The following CP variants were observed in gnomAD, a reference collection of about 807,000 sequenced individuals.
CP encodes the protein ceruloplasmin.
Under a neutral mutation model 122.4 loss-of-function variants are expected in CP, and 64 were observed. That is an observed-to-expected ratio of 0.52 (90% CI 0.43 to 0.64). The LOEUF is 0.64. Among genes scored for constraint, CP ranks in the 30% least tolerant of loss-of-function variants. The pLI is 0.00. For missense variants in CP, 1,167 were observed against 1,284.4 expected (o/e 0.91, Z 1.40); for synonymous variants, 440 against 436.4 (o/e 1.01, Z -0.10).
At chr3:149,208,147 G>C (rs1021798740) in intron 4 of CP, among the ~76,000 whole-genome samples, 1 of 151,982 alleles carries the variant, frequency 6.6e-6, no homozygotes, top group African/African-American at 2.4e-5. Flanking sequence ...AGATATGAAG[G>C]AGGGAAAAAA....
chr3:149,202,421 GA>G (rs1380109849), intron 6 of CP, among the ~76,000 whole-genome samples, 180 bp from the exon 7 acceptor site: 1 of 152,140 alleles, frequency 6.6e-6, no homozygotes, highest in Non-Finnish European at 1.5e-5. Flanking sequence ...TCCACTCATA[GA>G]AGGATGGTCA....
chr3:149,185,538 A>T (rs963581342), intron 11 of CP, 92 bp from the exon 12 acceptor site: 15 of 1,206,064 alleles, frequency 1.2e-5, no homozygotes, highest in Non-Finnish European at 1.8e-5. Flanking sequence ...AGTCCTTATC[A>T]TGGCCTCAGG....
At chr3:149,175,664 A>AGTGTGTGTGTGTGTGTGT (rs60005904) in intron 18 of CP, among the ~76,000 whole-genome samples, 6,136 of 145,552 alleles carry the variant, frequency 0.042, 155 homozygotes, top group African/African-American at 0.062. Flanking sequence ...CTCCATTTTA[A>AGTGTGTGTGTGTGTGTGT]GTGTGTGTGT....
chr3:149,163,961 T>C (rs1171103569), intron 5 of CP: 2 of 1,241,670 alleles, frequency 1.6e-6, no homozygotes, highest in Admixed American at 1.7e-5. Context: ...TAAGTAAAAA[T>C]ACCTCCTTTT....
chr3:149,207,665 G>A lies in CP; in HGVS notation c.782-48C>T, dbSNP rs779297093. ...GTGACTAAGAGTCATTAATGCTTGAGATAGTGAGAGTTACCTCTATATAAA... is the reference window on the plus strand; with the variant it reads ...GTGACTAAGAGTCATTAATGCTTGAAATAGTGAGAGTTACCTCTATATAAA... On this transcript the variant is annotated intron_variant, in intron 4 of 18. Coordinates refer to ENST00000264613, the MANE Select transcript of CP (RefSeq NM_000096.4). 8.1e-6 allele frequency: 13 copies of A among 1,596,492 alleles called. No individual in the cohort carries two copies. In the Middle Eastern group the frequency reaches 5.0e-4, roughly 61 times the overall value.
downstream of CP, among the ~76,000 whole-genome samples, chr3:149,167,684 T>C (rs1333837765): frequency 1.3e-5 from 2 of 152,190 alleles, no homozygotes; most frequent in East Asian, 1.9e-4. Flanking sequence ...TATGTATTAC[T>C]GGGTTTTCAA....
intron 9 of CP, among the ~76,000 whole-genome samples, chr3:149,192,178 A>G (rs1009584286): frequency 6.6e-6 from 1 of 152,084 alleles, no homozygotes; most frequent in Non-Finnish European, 1.5e-5. Flanking sequence ...AATAAAAACA[A>G]TGTGGTACAG....
chr3:149,186,395 A>G (rs1270635312), intron 11 of CP, 125 bp downstream of exon 11: 1 of 882,160 alleles, frequency 1.1e-6, no homozygotes, highest in Non-Finnish European at 1.9e-6. Flanking sequence ...TCTTTCAAAG[A>G]TAGGAAGGGC....
intron 7 of CP, among the ~76,000 whole-genome samples, chr3:149,200,513 C>T (rs1306000018): frequency 2.0e-5 from 3 of 151,440 alleles, no homozygotes; most frequent in African/African-American, 7.3e-5. Flanking sequence ...TTTTCTTTTT[C>T]TTTTTTTGAG....
chr3:149,204,143 T>C (rs1210153094), intron 6 of CP, among the ~76,000 whole-genome samples: 2 of 152,144 alleles, frequency 1.3e-5, no homozygotes, highest in Non-Finnish European at 2.9e-5. Context: ...GAGGCTTAGA[T>C]AGATGGGAGA....
In CP at chr3:149,186,675, G is replaced by A. The variant is rs758412535; in HGVS notation, c.1922C>T (p.Ser641Leu). 9.9e-6 allele frequency: 16 copies of A among 1,614,082 alleles called. 1 individual carries two copies. Among genetic ancestry groups the A allele is most frequent in the Middle Eastern group, 1.7e-4 (1 of 6,060 alleles). ...QPGLTMCKGD[S>L]VVWYLFSAGN... The stretch of plus-strand genomic sequence containing the variant: ...GGCGCTGAATAAGTACCACACGACC[G>A]AATCTCCTTTGCACATAGTGAGACC... The change falls in exon 11 of 19, where the codon TCG becomes TTG. Residue 641 changes from serine (S) to leucine (L), a missense_variant. Physicochemically the swap from Ser to Leu is moderately radical, Grantham distance 145. Coordinates refer to ENST00000264613, the MANE Select transcript of CP (RefSeq NM_000096.4).
chr3:149,166,671 C>T (rs889866903), intron 4 of CP, among the ~76,000 whole-genome samples: 2 of 152,012 alleles, frequency 1.3e-5, no homozygotes, highest in East Asian at 1.9e-4. Context: ...TTCAATATTG[C>T]GAATACTCTT....
intron 14 of CP, 29 bp downstream of exon 14, chr3:149,181,976 A>AGGGGGG: frequency 2.3e-5 from 13 of 561,802 alleles, no homozygotes; most frequent in Non-Finnish European, 4.3e-5. Flanking sequence ...GTTAAAATGC[A>AGGGGGG]CCACCCCCAC....
At chr3:149,181,976 A>ACCATCC in intron 14 of CP, 29 bp downstream of exon 14, 1 of 561,808 alleles carries the variant, frequency 1.8e-6, no homozygotes, top group Non-Finnish European at 3.3e-6. Context: ...GTTAAAATGC[A>ACCATCC]CCACCCCCAC....
chr3:149,170,113 A>C (rs1242272136), downstream of CP, among the ~76,000 whole-genome samples: 1 of 152,224 alleles, frequency 6.6e-6, no homozygotes, highest in Admixed American at 6.5e-5. Flanking sequence ...GGATTCTAGA[A>C]GGAATTAAAG....
chr3:149,210,483 A>G, intron 2 of CP, 104 bp from the exon 3 acceptor site: 1 of 993,484 alleles, frequency 1.0e-6, no homozygotes, highest in Non-Finnish European at 1.6e-6. Flanking sequence ...TTAAACATCT[A>G]CTATGTGATC....
At chr3:149,174,916 T>A (rs181280786) in intron 18 of CP, among the ~76,000 whole-genome samples, 9 of 152,314 alleles carry the variant, frequency 5.9e-5, no homozygotes. Context: ...TCATATTTGC[T>A]ATTTGTTCTG....
downstream of CP, chr3:149,167,817 C>A: frequency 2.2e-6 from 2 of 912,328 alleles, no homozygotes; most frequent in East Asian, 2.4e-5. Context: ...CTTTCCTGCA[C>A]AATCTTCTTA....
downstream of CP, among the ~76,000 whole-genome samples, chr3:149,170,182 T>C (rs1012745612): frequency 6.6e-6 from 1 of 152,224 alleles, no homozygotes; most frequent in Admixed American, 6.5e-5. Flanking sequence ...ATTTAAGATA[T>C]TGACCTTCTT....
Sources: gnomAD v4.1 joint callset for allele counts (sites outside exome capture counted in the v4.1 genomes callset) on GRCh38, gnomAD v4.1.1 for gene constraint, MANE v1.5 for transcripts, NCBI Gene and HGNC (gene_info 2026-07-23, HGNC 2026-07-21) for gene names.